LOC400499: variants seen among roughly 807,000 people sequenced by gnomAD.
At chr16:11,460,832 C>T in the LOC400499 span, 4 of 1,290,468 alleles carry the variant, frequency 3.1e-6, no homozygotes, top group Non-Finnish European at 3.1e-6. Context: ...CAGTCCTACT[C>T]AGAGCCAACA....
chr16:11,383,303 G>A, the LOC400499 span, among the ~76,000 whole-genome samples: 4 of 152,090 alleles, frequency 2.6e-5, no homozygotes, highest in South Asian at 2.1e-4. Context: ...TCCTGACCTC[G>A]TGATGCACCC....
chr16:11,506,923 C>G, the LOC400499 span, among the ~76,000 whole-genome samples: 2 of 152,200 alleles, frequency 1.3e-5, no homozygotes, highest in Admixed American at 1.3e-4. Flanking sequence ...CCTGCAAAGC[C>G]ATTTCTAGCA....
the LOC400499 span, among the ~76,000 whole-genome samples, chr16:11,456,154 C>G: frequency 1.3e-5 from 2 of 151,962 alleles, no homozygotes; most frequent in African/African-American, 4.8e-5. Flanking sequence ...AAGCGATCCT[C>G]CTGCCTCAGC....
At chr16:11,396,433 G>A in the LOC400499 span, 4 of 1,207,442 alleles carry the variant, frequency 3.3e-6, no homozygotes, top group African/African-American at 1.6e-5. Context: ...GCAGTTGGGG[G>A]CCTGCTGGCC....
At chr16:11,467,875 A>G in the LOC400499 span, among the ~76,000 whole-genome samples, 1 of 152,214 alleles carries the variant, frequency 6.6e-6, no homozygotes, top group Non-Finnish European at 1.5e-5. Context: ...GTCTTCACAC[A>G]TGATTAAGCT....
the LOC400499 span, among the ~76,000 whole-genome samples, chr16:11,473,768 A>T: frequency 1.3e-5 from 2 of 151,914 alleles, no homozygotes; most frequent in Non-Finnish European, 2.9e-5. Flanking sequence ...AAAAAAAAAA[A>T]AGTTATGCGA....
At chr16:11,523,287 T>C in the LOC400499 span, 120 of 397,394 alleles carry the variant, frequency 3.0e-4, 1 homozygote, top group East Asian at 4.1e-3. Context: ...ACTGGTATCT[T>C]TGGGAGCATA....
chr16:11,525,948 T>A, the LOC400499 span, among the ~76,000 whole-genome samples: 2 of 152,218 alleles, frequency 1.3e-5, no homozygotes, highest in African/African-American at 4.8e-5. Context: ...GGAAGAGATC[T>A]GAAATGGACT....
chr16:11,391,845 G>A, the LOC400499 span: 1 of 1,231,264 alleles, frequency 8.1e-7, no homozygotes, highest in Non-Finnish European at 1.0e-6. Flanking sequence ...GCCGTCCAGG[G>A]TGCCTGCCGG....
the LOC400499 span, among the ~76,000 whole-genome samples, chr16:11,381,720 C>CT: frequency 6.6e-6 from 1 of 152,222 alleles, no homozygotes; most frequent in African/African-American, 2.4e-5. Flanking sequence ...GGTACACACA[C>CT]TAACCTCATG....
the LOC400499 span, among the ~76,000 whole-genome samples, chr16:11,447,320 G>T: frequency 6.6e-6 from 1 of 152,100 alleles, no homozygotes; most frequent in Non-Finnish European, 1.5e-5. Context: ...AATACTGATT[G>T]GACACAGTGG....
chr16:11,479,048 T>C, the LOC400499 span, among the ~76,000 whole-genome samples: 3 of 152,158 alleles, frequency 2.0e-5, no homozygotes, highest in Non-Finnish European at 4.4e-5. Flanking sequence ...CTTTGGTAAA[T>C]TGCCCAGTCC....
At chr16:11,382,114 TGTGGTAG>T in the LOC400499 span, among the ~76,000 whole-genome samples, 3 of 151,760 alleles carry the variant, frequency 2.0e-5, no homozygotes, top group Non-Finnish European at 4.4e-5. Context: ...TTTTTGTATT[TGTGGTAG>T]AGACAGGGGT....
the LOC400499 span, chr16:11,448,128 A>T: frequency 6.7e-7 from 1 of 1,502,770 alleles, no homozygotes; most frequent in African/African-American, 1.4e-5. Flanking sequence ...CAAGCTGCAG[A>T]CCTGCCTTGC....
At chr16:11,492,839 G>C in the LOC400499 span, among the ~76,000 whole-genome samples, 13 of 152,262 alleles carry the variant, frequency 8.5e-5, no homozygotes, top group South Asian at 2.7e-3. Flanking sequence ...AATGAAATGG[G>C]GAAACAGGAC....
At chr16:11,521,864 A>C in the LOC400499 span, 1 of 398,264 alleles carries the variant, frequency 2.5e-6, no homozygotes, top group African/African-American at 2.1e-5. Flanking sequence ...TTGATTAAGC[A>C]AATTGGAAAT....
At chr16:11,514,455 C>T in the LOC400499 span, 620 of 399,166 alleles carry the variant, frequency 1.6e-3, 4 homozygotes, top group South Asian at 4.2e-3. Context: ...AGTGGCCCCG[C>T]GGAGTCCAGC....
the LOC400499 span, chr16:11,450,584 A>G: frequency 5.9e-6 from 9 of 1,533,554 alleles, no homozygotes; most frequent in African/African-American, 8.2e-5. Context: ...GACCAGACAT[A>G]TATCGGGGGC....
the LOC400499 span, among the ~76,000 whole-genome samples, chr16:11,382,361 C>G: frequency 6.6e-6 from 1 of 152,218 alleles, no homozygotes; most frequent in African/African-American, 2.4e-5. Context: ...ATTCTGGCAT[C>G]TGAAGCTCTT....
Sources: gnomAD v4.1 joint callset for allele counts (sites outside exome capture counted in the v4.1 genomes callset) on GRCh38, gnomAD v4.1.1 for gene constraint, MANE v1.5 for transcripts.